The following KHDC1L variants were observed in gnomAD, a reference collection of about 807,000 sequenced individuals.
KHDC1L encodes KHDC1-like protein.
KHDC1L carries 5 observed loss-of-function variants against 11.2 expected under a neutral mutation model. That is an observed-to-expected ratio of 0.45 (90% CI 0.23 to 0.94). The LOEUF (loss-of-function observed/expected upper bound fraction) is 0.94, where lower values mean the gene tolerates loss of function less well. Among genes scored for constraint, KHDC1L ranks in the 40% least tolerant of loss-of-function variants. The pLI, the probability that KHDC1L is intolerant of heterozygous loss-of-function variation, is 0.22. For synonymous variants in KHDC1L, 66 were observed against 62.7 expected, an observed-to-expected ratio of 1.05 and a Z score of -0.25; for missense variants, 168 against 165.8, an observed-to-expected ratio of 1.01 and a Z score of -0.07.
At chr6:73,225,216 A>T in intron 1 of KHDC1L, 81 bp downstream of exon 1, 1 of 1,322,788 alleles carries the variant, frequency 7.6e-7, no homozygotes, top group South Asian at 1.4e-5. Context: ...GCAGTGAGCC[A>T]AGATCACGAG....
rs750184140 is a variant in KHDC1L, at chr6:73,225,313, C to T, written c.96G>A (p.Gln32=). 5 of 1,613,794 alleles carry T rather than the reference C, an allele frequency of 3.1e-6. No individual in the cohort carries two copies. The highest frequency in any genetic ancestry group is 2.7e-5 in the African/African-American group (2 of 74,930). Residue 32 remains glutamine, a synonymous_variant, in exon 1 of 3, where the codon CAG becomes CAA. Coordinates refer to ENST00000370388, the MANE Select transcript of KHDC1L (RefSeq NM_001126063.3). ...GCCACTCACCGAAGATGAGCTCCTC[C>T]TGGTCCTCTTCCATGTGGAACACCA... ...SPMVFHMEED[Q]EELIFGLDDT... is the part of the protein sequence containing the mutation.
Position 73,225,438 on chromosome 6 carries a change from G to C in KHDC1L, c.-30C>G. ...TGCTCCCACCTGATTCAGAATAGGG[G>C]AAAGTCTAACAAACTGGTTGGCAAA... On this transcript the variant is annotated 5_prime_UTR_variant, in exon 1 of 3. Coordinates refer to ENST00000370388, the MANE Select transcript of KHDC1L (RefSeq NM_001126063.3). 1 of 1,548,990 alleles carries C rather than the reference G, an allele frequency of 6.5e-7. No homozygotes were observed. The highest frequency in any genetic ancestry group is 2.3e-5 in the East Asian group (1 of 44,424).
chr6:73,224,041 C>T (rs1582539047), intron 2 of KHDC1L, 125 bp downstream of exon 2: 1 of 1,221,546 alleles, frequency 8.2e-7, no homozygotes, highest in East Asian at 2.6e-5. Context: ...TCCCAATGGA[C>T]TCTGGGAAGC....
intron 2 of KHDC1L, 68 bp downstream of exon 2, chr6:73,224,098 G>A: frequency 6.8e-7 from 1 of 1,460,012 alleles, no homozygotes. Flanking sequence ...AATCCAAGAT[G>A]CCACACAACA....
chr6:73,223,848 G>T lies in KHDC1L; in HGVS notation c.296-9C>A. On this transcript the variant is annotated splice_polypyrimidine_tract_variant and intron_variant, in intron 2 of 2. Coordinates refer to ENST00000370388, the MANE Select transcript of KHDC1L (RefSeq NM_001126063.3). ...CTCTAGCATCTTCAGACCTGCAAAA[G>T]AATTGCCTGGAGCTGAAGAACCAGA... 1.3e-6 allele frequency: 2 copies of T among 1,572,542 alleles called. No individual in the cohort carries two copies. The highest frequency in any genetic ancestry group is 1.7e-6 in the Non-Finnish European group (2 of 1,157,670).
In KHDC1L at chr6:73,223,846, A is replaced by C; in HGVS notation, c.296-7T>G. ...CGCTCTAGCATCTTCAGACCTGCAA[A>C]AGAATTGCCTGGAGCTGAAGAACCA... On this transcript the variant is annotated splice_polypyrimidine_tract_variant and splice_region_variant and intron_variant, in intron 2 of 2. Coordinates refer to ENST00000370388, the MANE Select transcript of KHDC1L (RefSeq NM_001126063.3). The C allele has an allele frequency of 3.8e-6, 6 of 1,578,982 alleles. No individual in the cohort carries two copies. The highest frequency in any genetic ancestry group is 5.2e-6 in the Non-Finnish European group (6 of 1,161,670).
chr6:73,224,430 T>C (rs1766321359), intron 1 of KHDC1L, 82 bp from the exon 2 acceptor site: 1 of 1,197,846 alleles, frequency 8.3e-7, no homozygotes, highest in Non-Finnish European at 1.2e-6. Flanking sequence ...GGTAGGGATG[T>C]GTGACTCATG....
chr6:73,224,001 A>G (rs1021831358), intron 2 of KHDC1L, among the ~76,000 whole-genome samples, 162 bp from the exon 3 acceptor site: 3 of 152,118 alleles, frequency 2.0e-5, no homozygotes, highest in Non-Finnish European at 4.4e-5. Flanking sequence ...TCCCTGAGCA[A>G]TCGCATGCCA....
chr6:73,225,400 C>G lies in KHDC1L; in HGVS notation c.9G>C (p.Val3=). ...GCTCCTTGCTGAGAGCACTCGTTCC[C>G]ACGGCCATGCTGTGCTCCCACCTGA... MA[V]GTSALSKEPW... The change falls in exon 1 of 3, where the codon GTG becomes GTC. Residue 3 remains valine, a synonymous_variant. Transcript: ENST00000370388. 1 of 1,613,184 alleles carries G rather than the reference C, an allele frequency of 6.2e-7. No homozygotes were observed. The highest frequency in any genetic ancestry group is 8.5e-7 in the Non-Finnish European group (1 of 1,179,222).
rs960405365 is a variant in KHDC1L, at chr6:73,223,630, G to A, written c.*118C>T. On this transcript the variant is annotated 3_prime_UTR_variant, in exon 3 of 3. Coordinates refer to ENST00000370388, the MANE Select transcript of KHDC1L (RefSeq NM_001126063.3). ...GAGACTTCCCTCAGACACATGCCTA[G>A]AAGGCCTGAGAGGGGCAGGTCTGGC... 30 of 747,910 alleles carry A rather than the reference G, an allele frequency of 4.0e-5. No homozygotes were observed. The highest frequency in any genetic ancestry group is 3.2e-4 in the Admixed American group (13 of 40,294). The allele number at this position is 747,910 out of a possible 1,614,324, so 46.3% of individuals were successfully genotyped here.
At position 73,223,852 on chromosome 6, in the gene KHDC1L, T is replaced by C; in HGVS notation, c.296-13A>G. ...AGCATCTTCAGACCTGCAAAAGAAT[T>C]GCCTGGAGCTGAAGAACCAGAGTCC... On this transcript the variant is annotated splice_polypyrimidine_tract_variant and intron_variant, in intron 2 of 2. Coordinates refer to ENST00000370388, the MANE Select transcript of KHDC1L (RefSeq NM_001126063.3). The C allele has an allele frequency of 6.4e-7, 1 of 1,567,082 alleles. No homozygotes were observed. The highest frequency in any genetic ancestry group is 8.7e-7 in the Non-Finnish European group (1 of 1,154,340).
At chr6:73,225,239 T>C in intron 1 of KHDC1L, 58 bp downstream of exon 1, 4 of 1,491,250 alleles carry the variant, frequency 2.7e-6, no homozygotes, top group Non-Finnish European at 3.7e-6. Context: ...AGAATCTGTC[T>C]CAAAAAAATA....
At chr6:73,223,972 C>T in intron 2 of KHDC1L, 133 bp from the exon 3 acceptor site, 1 of 971,730 alleles carries the variant, frequency 1.0e-6, no homozygotes, top group East Asian at 2.6e-5. Flanking sequence ...CCCATTTACT[C>T]CTCCCTGCTA....
At position 73,223,560 on chromosome 6, in the gene KHDC1L, C is replaced by T. The variant is rs1183958689; in HGVS notation, c.*188G>A. ...ATCGAAGGCTTTGCATCATAGGTAG[C>T]TTATTTTATTGGATTGCTTTGCCAA... On this transcript the variant is annotated 3_prime_UTR_variant, in exon 3 of 3. Coordinates refer to ENST00000370388, the MANE Select transcript of KHDC1L (RefSeq NM_001126063.3). 1.8e-6 allele frequency: 1 copy of T among 556,014 alleles called. No individual in the cohort carries two copies. The highest frequency in any genetic ancestry group is 3.2e-6 in the Non-Finnish European group (1 of 308,372). The allele number at this position is 556,014 out of a possible 1,614,324, so 34.4% of individuals were successfully genotyped here.
At position 73,223,643 on chromosome 6, in the gene KHDC1L, G is replaced by T; in HGVS notation, c.*105C>A. On this transcript the variant is annotated 3_prime_UTR_variant, in exon 3 of 3. Transcript: ENST00000370388. ...GACACATGCCTAGAAGGCCTGAGAG[G>T]GGCAGGTCTGGCCACAAATTCAAAC... 1.1e-6 allele frequency: 1 copy of T among 870,696 alleles called. No homozygotes were observed. Among genetic ancestry groups the T allele is most frequent in the Non-Finnish European group, 1.8e-6 (1 of 546,556 alleles). 53.9% of individuals were successfully genotyped at this position (870,696 alleles called of 1,614,324 possible). A position where few individuals can be genotyped will look rare whatever the true frequency, so the allele number is the denominator to read the frequency against.
At chr6:73,224,396 G>C in intron 1 of KHDC1L, 48 bp from the exon 2 acceptor site, 2 of 1,475,172 alleles carry the variant, frequency 1.4e-6, no homozygotes, top group Middle Eastern at 2.2e-4. Context: ...ACCAGTCCTT[G>C]GGGAGTGAGG....
chr6:73,225,444 C>G lies in KHDC1L; in HGVS notation c.-36G>C. 1 of 1,508,328 alleles carries G rather than the reference C, an allele frequency of 6.6e-7. No homozygotes were observed. The highest frequency in any genetic ancestry group is 9.2e-7 in the Non-Finnish European group (1 of 1,085,600). The allele number at this position is 1,508,328 out of a possible 1,614,324, so 93.4% of individuals were successfully genotyped here. A position where few individuals can be genotyped will look rare whatever the true frequency, so the allele number is the denominator to read the frequency against. ...CACCTGATTCAGAATAGGGGAAAGT[C>G]TAACAAACTGGTTGGCAAAAGACTT... On this transcript the variant is annotated 5_prime_UTR_variant, in exon 1 of 3. Coordinates refer to ENST00000370388, the MANE Select transcript of KHDC1L (RefSeq NM_001126063.3).
chr6:73,224,238 G>A lies in KHDC1L; in HGVS notation c.223C>T (p.Pro75Ser), dbSNP rs1180601178. ...GQTRVTVVGP[P>S]MAKQWLLLMF... ...AGCAGCAGCCACTGCTTTGCCATTG[G>A]TGGTCCGACTACAGTCACACGTGTC... The change falls in exon 2 of 3, where the codon CCA becomes TCA. Residue 75 changes from proline to serine, a missense_variant. Pro to Ser is a moderately conservative substitution (Grantham distance 74). Transcript: ENST00000370388. The A allele has an allele frequency of 6.3e-7, 1 of 1,580,806 alleles. No individual in the cohort carries two copies. The highest frequency in any genetic ancestry group is 8.6e-7 in the Non-Finnish European group (1 of 1,162,396).
intron 2 of KHDC1L, among the ~76,000 whole-genome samples, 157 bp downstream of exon 2, chr6:73,224,009 C>A (rs938596516): frequency 6.6e-6 from 1 of 152,130 alleles, no homozygotes. Context: ...CAATCGCATG[C>A]CACAAAAATG....
Sources: gnomAD v4.1 joint callset for allele counts (sites outside exome capture counted in the v4.1 genomes callset) on GRCh38, gnomAD v4.1.1 for gene constraint, MANE v1.5 for transcripts, NCBI Gene and HGNC (gene_info 2026-07-23, HGNC 2026-07-21) for gene names.